LIMCH1: variants seen among roughly 807,000 people sequenced by gnomAD.
LIMCH1 encodes the protein LIM and calponin homology domains-containing protein 1.
A neutral mutation model predicts 176.5 loss-of-function variants in LIMCH1; 113 were observed. That is an observed-to-expected ratio of 0.64 (90% confidence interval 0.55 to 0.75). The LOEUF (loss-of-function observed/expected upper bound fraction) is 0.75, where lower values mean the gene tolerates loss of function less well. Ranked by LOEUF, LIMCH1 falls within the 30% of genes least tolerant of loss-of-function variation. The probability of loss-of-function intolerance (pLI) is 0.00; values close to 1 mark genes in which losing one functional copy is unlikely to be tolerated. For missense variants in LIMCH1, 1,674 were observed against 1,814.9 expected (o/e 0.92, Z 1.41); for synonymous variants, 619 against 645.9 (o/e 0.96, Z 0.63).
chr4:41,410,340 TTCAG>T (rs2059368904), intron 1 of LIMCH1, among the ~76,000 whole-genome samples: 1 of 152,248 alleles, frequency 6.6e-6, no homozygotes, highest in African/African-American at 2.4e-5. Context: ...TGTTGGTTAA[TTCAG>T]TCTTCACATT....
At chr4:41,475,265 A>G (rs528531140) in intron 1 of LIMCH1, among the ~76,000 whole-genome samples, 1 of 152,352 alleles carries the variant, frequency 6.6e-6, no homozygotes, top group Admixed American at 6.5e-5. Flanking sequence ...TTATATAGTT[A>G]CATGCTTTGT....
intron 1 of LIMCH1, among the ~76,000 whole-genome samples, chr4:41,448,264 C>A (rs548914535): frequency 6.6e-6 from 1 of 152,160 alleles, no homozygotes. Context: ...GCTTTAGGTT[C>A]GCTTTAGGTT....
At chr4:41,424,773 T>C (rs2060923180) in intron 1 of LIMCH1, among the ~76,000 whole-genome samples, 1 of 152,238 alleles carries the variant, frequency 6.6e-6, no homozygotes, top group South Asian at 2.1e-4. Flanking sequence ...TTCCTGCTTA[T>C]GTTGCTGTTA....
intron 1 of LIMCH1, among the ~76,000 whole-genome samples, chr4:41,487,918 CTT>C (rs11325771): frequency 1.1e-3 from 155 of 142,840 alleles, no homozygotes; most frequent in African/African-American, 3.5e-3. Context: ...TCCCAAAGTG[CTT>C]TTTTTTTTTT....
intron 1 of LIMCH1, among the ~76,000 whole-genome samples, chr4:41,490,759 C>T (rs1430132484): frequency 2.0e-5 from 3 of 152,216 alleles, no homozygotes; most frequent in Admixed American, 6.5e-5. Context: ...AAACCGCCAT[C>T]GTTATCACGG....
intron 1 of LIMCH1, among the ~76,000 whole-genome samples, chr4:41,575,428 G>T (rs1282495268): frequency 1.3e-5 from 2 of 152,152 alleles, no homozygotes; most frequent in Non-Finnish European, 2.9e-5. Context: ...ATTCAGGGGT[G>T]TATTCTTTTG....
intron 2 of LIMCH1, among the ~76,000 whole-genome samples, chr4:41,521,110 T>C (rs1294972749): frequency 6.6e-6 from 1 of 152,228 alleles, no homozygotes; most frequent in Non-Finnish European, 1.5e-5. Context: ...TATTATCTCA[T>C]TGTATTTAGG....
chr4:41,535,175 A>AG (rs1241086970), upstream of LIMCH1, among the ~76,000 whole-genome samples: 3 of 151,078 alleles, frequency 2.0e-5, no homozygotes, highest in African/African-American at 7.3e-5. Flanking sequence ...AAAAAAAAAA[A>AG]AAAAAAAAAG....
At chr4:41,523,430 G>A (rs1451804605) in intron 2 of LIMCH1, among the ~76,000 whole-genome samples, 6 of 152,162 alleles carry the variant, frequency 3.9e-5, no homozygotes, top group Non-Finnish European at 8.8e-5. Context: ...AAGTACAGGT[G>A]TTGGACCAGA....
chr4:41,558,801 C>G (rs1465826433), intron 1 of LIMCH1, among the ~76,000 whole-genome samples: 1 of 152,180 alleles, frequency 6.6e-6, no homozygotes, highest in Non-Finnish European at 1.5e-5. Context: ...TGGCATAATT[C>G]TAGCTCATGA....
chr4:41,661,612 T>C, intron 19 of LIMCH1, 102 bp downstream of exon 19: 1 of 828,752 alleles, frequency 1.2e-6, no homozygotes, highest in Non-Finnish European at 2.0e-6. Flanking sequence ...AGGAAAGTAG[T>C]AATTAGACTC....
intron 1 of LIMCH1, among the ~76,000 whole-genome samples, chr4:41,413,155 C>T (rs1459863484): frequency 6.6e-6 from 1 of 150,776 alleles, no homozygotes; most frequent in African/African-American, 2.4e-5. Context: ...CTCCTGAGTC[C>T]TCTTTGTCTT....
chr4:41,423,365 A>G (rs983556173), intron 1 of LIMCH1, among the ~76,000 whole-genome samples: 23 of 152,264 alleles, frequency 1.5e-4, no homozygotes, highest in Admixed American at 6.5e-5. Context: ...TATGCACACC[A>G]ACATGATCAA....
chr4:41,393,627 C>G (rs1220169404), intron 1 of LIMCH1, among the ~76,000 whole-genome samples: 4 of 152,152 alleles, frequency 2.6e-5, no homozygotes, highest in Admixed American at 2.6e-4. Context: ...AGAGTTTCTT[C>G]TACAGAATAG....
chr4:41,488,997 A>G (rs1427035035), intron 1 of LIMCH1, among the ~76,000 whole-genome samples: 1 of 152,126 alleles, frequency 6.6e-6, no homozygotes, highest in Admixed American at 6.5e-5. Context: ...GTCTTTGTTG[A>G]GTGAACTATG....
chr4:41,572,081 A>G (rs910522724), intron 1 of LIMCH1, among the ~76,000 whole-genome samples: 1 of 152,234 alleles, frequency 6.6e-6, no homozygotes. Flanking sequence ...GGGTGGGAGC[A>G]AATGGAGAGG....
Position 41,613,644 on chromosome 4 carries a change from T to C in LIMCH1, c.188T>C (p.Leu63Pro). 2 of 1,614,086 alleles carry C rather than the reference T, an allele frequency of 1.2e-6. No individual in the cohort carries two copies. The highest frequency in any genetic ancestry group is 1.7e-6 in the Non-Finnish European group (2 of 1,179,936). ...SRQTPSPDVVLRGSSDGRGSD... is the reference protein window; with the variant it reads ...SRQTPSPDVVPRGSSDGRGSD... ...CAGACGCCTTCACCAGATGTAGTCC[T>C]CAGGGGAAGCAGCGATGGTAGGTTG... The change falls in exon 5 of 32, where the codon CTC (leucine) becomes CCC (proline). Residue 63 changes from leucine to proline, a missense_variant. Leu to Pro is a moderately conservative substitution (Grantham distance 98, BLOSUM62 -3). Transcript: ENST00000503057.
intron 18 of LIMCH1, 45 bp downstream of exon 18, chr4:41,650,653 G>A (rs966903256): frequency 2.0e-6 from 3 of 1,472,422 alleles, no homozygotes; most frequent in African/African-American, 2.8e-5. Context: ...ATAATTCCAT[G>A]GTGAAAGAAT....
intron 2 of LIMCH1, among the ~76,000 whole-genome samples, chr4:41,516,868 T>C (rs1214054790): frequency 1.3e-5 from 2 of 152,210 alleles, no homozygotes; most frequent in Admixed American, 6.5e-5. Context: ...GAGGGAAGTA[T>C]GTGCCCAGGT....
Sources: allele counts gnomAD v4.1 joint callset (sites outside exome capture counted in the v4.1 genomes callset), GRCh38; gene constraint gnomAD v4.1.1; transcripts MANE v1.5; gene names NCBI Gene and HGNC (gene_info 2026-07-23, HGNC 2026-07-21).